Variants in RBM6 observed in about 807,000 individuals in gnomAD.
RBM6 encodes the protein RNA-binding protein 6.
Under a neutral mutation model 140.4 loss-of-function variants are expected in RBM6, and 23 were observed. That is an observed-to-expected ratio of 0.16 (90% CI 0.12 to 0.23). The LOEUF (loss-of-function observed/expected upper bound fraction) is 0.23. RBM6 is among the 10% of genes least tolerant of loss of function. The pLI, the probability that RBM6 is intolerant of heterozygous loss-of-function variation, is 1.00. For synonymous variants in RBM6, 439 were observed against 475.6 expected, an observed-to-expected ratio of 0.92 and a Z score of 1.00; for missense variants, 1,139 against 1,386.7, an observed-to-expected ratio of 0.82 and a Z score of 2.84.
intron 4 of RBM6, among the ~76,000 whole-genome samples, chr3:49,974,472 C>T (rs556534006): frequency 4.0e-4 from 59 of 148,162 alleles, no homozygotes; most frequent in Non-Finnish European, 7.2e-4. Context: ...CCCGGGTTCA[C>T]GCCATTCTTC....
chr3:49,983,423 A>C (rs1295293430), intron 5 of RBM6, among the ~76,000 whole-genome samples: 1 of 151,920 alleles, frequency 6.6e-6, no homozygotes, highest in East Asian at 1.9e-4. Context: ...TGTGACCAGC[A>C]TGGGCAATAT....
intron 7 of RBM6, among the ~76,000 whole-genome samples, chr3:50,051,396 C>T (rs1181904119): frequency 6.6e-6 from 1 of 152,152 alleles, no homozygotes; most frequent in Non-Finnish European, 1.5e-5. Context: ...AATCCCAGCA[C>T]TTTGGGAGGC....
At chr3:49,979,130 A>G (rs1278641988) in intron 5 of RBM6, among the ~76,000 whole-genome samples, 1 of 152,196 alleles carries the variant, frequency 6.6e-6, no homozygotes, top group Non-Finnish European at 1.5e-5. Flanking sequence ...GTATGCTACA[A>G]GTTGGATGAA....
intron 1 of RBM6, among the ~76,000 whole-genome samples, chr3:49,952,415 T>C (rs927137163): frequency 6.6e-6 from 1 of 151,868 alleles, no homozygotes; most frequent in Admixed American, 6.6e-5. Flanking sequence ...ATCTGCCCAC[T>C]TCAGCCTTCT....
At chr3:49,980,693 C>T (rs1326554070) in intron 5 of RBM6, among the ~76,000 whole-genome samples, 2 of 143,296 alleles carry the variant, frequency 1.4e-5, no homozygotes, top group Admixed American at 7.2e-5. Context: ...ACTCGGGAGG[C>T]GGAGGTTGCA....
intron 6 of RBM6, among the ~76,000 whole-genome samples, chr3:50,032,789 T>C (rs568804494): frequency 7.3e-5 from 11 of 151,628 alleles, no homozygotes; most frequent in Admixed American, 2.6e-4. Context: ...AGTTCGAGAC[T>C]AGCCTGGCCA....
In RBM6 at chr3:50,035,806, G is replaced by C. The variant is rs193153744; in HGVS notation, c.1558-12439G>C. On this transcript the variant is annotated intron_variant, in intron 6 of 20. Coordinates refer to ENST00000266022, the MANE Select transcript of RBM6 (RefSeq NM_005777.3). Reference sequence around the variant, plus strand: ...GACAGAGTCTCACTCTGTTGCCCAGGCTGGAACGCAGTGGCGTGATTTCGG... The same window carrying C: ...GACAGAGTCTCACTCTGTTGCCCAGCCTGGAACGCAGTGGCGTGATTTCGG... 7.2e-4 allele frequency among the ~76,000 whole-genome samples: 109 copies of C among 151,876 alleles called. No homozygotes were observed. The Middle Eastern group carries it at 0.01, about 14-fold the overall frequency.
chr3:50,038,944 G>A lies in RBM6; in HGVS notation c.1558-9301G>A, dbSNP rs187686402. ...GTAGGAGAGAGCCTCTCTTTTATCT[G>A]GGACTAAAAGCCCTTGCCCTACATA... On this transcript the variant is annotated intron_variant, in intron 6 of 20. Transcript: ENST00000266022. 1.1e-3 allele frequency among the ~76,000 whole-genome samples: 166 copies of A among 152,280 alleles called. 1 individual carries two copies. Among genetic ancestry groups the A allele is most frequent in the Non-Finnish European group, 1.9e-3 (130 of 68,012 alleles).
intron 1 of RBM6, among the ~76,000 whole-genome samples, chr3:49,945,592 T>C (rs2083451990): frequency 1.3e-5 from 2 of 151,666 alleles, no homozygotes; most frequent in Admixed American, 6.6e-5. Context: ...TTAGAAGATA[T>C]CATAAGGGGC....
chr3:50,075,719 A>G (rs1217557382), intron 20 of RBM6, among the ~76,000 whole-genome samples: 1 of 152,108 alleles, frequency 6.6e-6, no homozygotes, highest in African/African-American at 2.4e-5. Context: ...TTTAAGGAGC[A>G]TGTTGTTCTG....
intron 16 of RBM6, chr3:50,065,611 C>A (rs1303425386): frequency 2.2e-6 from 1 of 457,098 alleles, no homozygotes; most frequent in Admixed American, 2.3e-5. Flanking sequence ...ACCTAATCAC[C>A]AGTGATTCTG....
At chr3:50,023,342 G>A (rs2108800547) in intron 6 of RBM6, among the ~76,000 whole-genome samples, 1 of 152,096 alleles carries the variant, frequency 6.6e-6, no homozygotes, top group Admixed American at 6.6e-5. Context: ...TTTCACTCTT[G>A]TTGCCCAGGC....
At chr3:49,957,990 C>T (rs147280634) in intron 1 of RBM6, among the ~76,000 whole-genome samples, 38 of 152,230 alleles carry the variant, frequency 2.5e-4, no homozygotes, top group Non-Finnish European at 4.0e-4. Flanking sequence ...CGCCACCACA[C>T]GTGGCTGATT....
At chr3:50,000,336 T>G (rs568299110) in intron 6 of RBM6, among the ~76,000 whole-genome samples, 84 of 143,950 alleles carry the variant, frequency 5.8e-4, no homozygotes, top group Non-Finnish European at 1.0e-3. Flanking sequence ...GTTTGATGTG[T>G]TTTTTTTTTC....
At chr3:50,068,858 G>A (rs1371899895) in intron 18 of RBM6, 94 bp downstream of exon 18, 1 of 1,136,452 alleles carries the variant, frequency 8.8e-7, no homozygotes, top group Non-Finnish European at 1.3e-6. Context: ...CTTATAAGAA[G>A]ATGGAGAACA....
intron 1 of RBM6, among the ~76,000 whole-genome samples, chr3:49,946,257 T>G (rs551590075): frequency 1.3e-5 from 2 of 152,132 alleles, no homozygotes; most frequent in African/African-American, 4.8e-5. Context: ...TTTTTTTTTT[T>G]GGAGACAGAT....
At position 50,065,139 on chromosome 3, in the gene RBM6, T is replaced by C. The variant is rs1254755346; in HGVS notation, c.2682+13T>C. 1.9e-6 allele frequency: 3 copies of C among 1,591,176 alleles called. No individual in the cohort carries two copies. Among genetic ancestry groups the C allele is most frequent in the South Asian group, 1.1e-5 (1 of 90,034 alleles). ...GAGTCCCCCTCCAGTAAGACCAACA[T>C]TGATCCCCTGGACCTAGGGCTGGGG... is the stretch of plus-strand genomic sequence containing the variant. On this transcript the variant is annotated intron_variant, in intron 16 of 20. Coordinates refer to ENST00000266022, the MANE Select transcript of RBM6 (RefSeq NM_005777.3).
intron 5 of RBM6, among the ~76,000 whole-genome samples, chr3:49,985,788 A>G (rs1694732174): frequency 6.7e-6 from 1 of 148,404 alleles, no homozygotes; most frequent in African/African-American, 2.5e-5. Context: ...TTGTATTTTT[A>G]GCAGAGACGG....
At chr3:50,025,669 C>G (rs1376368042) in intron 6 of RBM6, among the ~76,000 whole-genome samples, 1 of 149,450 alleles carries the variant, frequency 6.7e-6, no homozygotes, top group Non-Finnish European at 1.5e-5. Context: ...AAGCCGTCCT[C>G]CTGCTTCAGT....
Sources: gnomAD v4.1 joint callset for allele counts (sites outside exome capture counted in the v4.1 genomes callset) on GRCh38, gnomAD v4.1.1 for gene constraint, MANE v1.5 for transcripts, NCBI Gene and HGNC (gene_info 2026-07-23, HGNC 2026-07-21) for gene names.